PHLDB2: variants seen among roughly 807,000 people sequenced by gnomAD.
The protein encoded by PHLDB2 is pleckstrin homology like domain family B member 2.
Under a neutral mutation model 123.6 loss-of-function variants are expected in PHLDB2, and 71 were observed. That is an observed-to-expected ratio of 0.57 (90% CI 0.47 to 0.70). PHLDB2 has a LOEUF of 0.70. PHLDB2 is among the 30% of genes least tolerant of loss of function. The pLI, the probability that PHLDB2 is intolerant of heterozygous loss-of-function variation, is 0.00. For synonymous variants in PHLDB2, 547 were observed against 541.6 expected (o/e 1.01, Z -0.14); for missense variants, 1,446 against 1,519.5 (o/e 0.95, Z 0.80).
chr3:111,732,579 C>A (rs1327226815), exon 1 of PHLDB2: 1 of 1,491,390 alleles, frequency 6.7e-7, no homozygotes, highest in African/African-American at 1.4e-5. Context: ...AAAGGAGAAA[C>A]CTGTGTTAAT....
intron 1 of PHLDB2, among the ~76,000 whole-genome samples, chr3:111,877,338 T>TG (rs2065684868): frequency 6.6e-6 from 1 of 152,284 alleles, no homozygotes; most frequent in Non-Finnish European, 1.5e-5. Context: ...GAGCTTTTTT[T>TG]TCATATGTTT....
At chr3:111,905,447 C>G (rs2107468698) in intron 2 of PHLDB2, among the ~76,000 whole-genome samples, 1 of 150,194 alleles carries the variant, frequency 6.7e-6, no homozygotes, top group Middle Eastern at 3.5e-3. Context: ...GTCTCTGCCT[C>G]CCAGGCTCAA....
chr3:111,971,505 A>G (rs1371759773), intron 16 of PHLDB2, among the ~76,000 whole-genome samples: 1 of 152,236 alleles, frequency 6.6e-6, no homozygotes, highest in Admixed American at 6.5e-5. Flanking sequence ...ATTTAAAAAA[A>G]CAGACAAAAA....
intron 1 of PHLDB2, among the ~76,000 whole-genome samples, chr3:111,821,951 A>G (rs1363336530): frequency 6.6e-6 from 1 of 152,192 alleles, no homozygotes; most frequent in African/African-American, 2.4e-5. Context: ...TTTTCATTCC[A>G]GGCTGCTGGC....
intron 1 of PHLDB2, among the ~76,000 whole-genome samples, chr3:111,875,370 G>A (rs561939784): frequency 2.6e-5 from 4 of 151,704 alleles, no homozygotes; most frequent in African/African-American, 9.7e-5. Context: ...GGCTGGTCTC[G>A]AACTCCCACT....
intron 1 of PHLDB2, among the ~76,000 whole-genome samples, chr3:111,780,399 A>AGAGGAAGAGGAAG (rs2060407024): frequency 1.6e-4 from 12 of 74,362 alleles, no homozygotes; most frequent in African/African-American, 4.7e-4. Context: ...AAGAAGAAGA[A>AGAGGAAGAGGAAG]GAAGAAGAAG....
intron 6 of PHLDB2, among the ~76,000 whole-genome samples, chr3:111,933,615 A>G (rs2069271179): frequency 6.6e-6 from 1 of 152,218 alleles, no homozygotes; most frequent in Non-Finnish European, 1.5e-5. Flanking sequence ...TTTTTATTGT[A>G]TGCAGCTGAA....
chr3:111,755,015 T>C (rs1394217230), intron 1 of PHLDB2, among the ~76,000 whole-genome samples: 4 of 152,070 alleles, frequency 2.6e-5, no homozygotes, highest in Non-Finnish European at 5.9e-5. Context: ...TTGATCATGG[T>C]GGATAAGCTT....
intron 1 of PHLDB2, among the ~76,000 whole-genome samples, chr3:111,879,506 GA>G (rs889416028): frequency 3.9e-5 from 6 of 152,124 alleles, no homozygotes; most frequent in African/African-American, 1.4e-4. Flanking sequence ...GGAGGAAGAG[GA>G]GGAGCTGGTC....
chr3:111,888,037 AAGG>A (rs2066275054), intron 2 of PHLDB2, among the ~76,000 whole-genome samples: 1 of 152,132 alleles, frequency 6.6e-6, no homozygotes, highest in Non-Finnish European at 1.5e-5. Context: ...TATCAGCATG[AAGG>A]AGAGTTAAAA....
chr3:111,780,281 A>G (rs574219260), intron 1 of PHLDB2, among the ~76,000 whole-genome samples: 3 of 3,012 alleles, frequency 1.0e-3, no homozygotes, highest in African/African-American at 1.9e-3. Context: ...AAAGAAGAAG[A>G]AGAAGAAGAA....
At chr3:111,852,039 T>G (rs547070800) in intron 2 of PHLDB2, among the ~76,000 whole-genome samples, 2 of 152,242 alleles carry the variant, frequency 1.3e-5, no homozygotes, top group Admixed American at 1.3e-4. Flanking sequence ...CCTGAACTCT[T>G]CTGTATCATT....
intron 1 of PHLDB2, among the ~76,000 whole-genome samples, chr3:111,797,069 G>T (rs2061190317): frequency 6.6e-6 from 1 of 152,068 alleles, no homozygotes; most frequent in Non-Finnish European, 1.5e-5. Flanking sequence ...TTCTGGTCAT[G>T]CCTCATGTCT....
chr3:111,796,783 G>A (rs892529730), intron 1 of PHLDB2, among the ~76,000 whole-genome samples: 2 of 152,148 alleles, frequency 1.3e-5, no homozygotes, highest in Non-Finnish European at 2.9e-5. Context: ...AAAGGGCTGG[G>A]ATTACAAGCA....
intron 1 of PHLDB2, among the ~76,000 whole-genome samples, chr3:111,861,512 T>A (rs2064835662): frequency 1.3e-5 from 2 of 152,174 alleles, no homozygotes; most frequent in African/African-American, 4.8e-5. Context: ...CTGTCAGAAG[T>A]GGAAAAATGA....
chr3:111,777,639 A>AT (rs894582849), intron 1 of PHLDB2, among the ~76,000 whole-genome samples: 1 of 151,900 alleles, frequency 6.6e-6, no homozygotes, highest in South Asian at 2.1e-4. Context: ...TATGTGCCAC[A>AT]TTTTTTTTCT....
intron 1 of PHLDB2, among the ~76,000 whole-genome samples, chr3:111,835,893 C>A (rs2063373666): frequency 6.6e-6 from 1 of 152,148 alleles, no homozygotes; most frequent in Non-Finnish European, 1.5e-5. Context: ...CCTTTTAGAG[C>A]TTAGCCTTGA....
intron 1 of PHLDB2, chr3:111,845,703 T>C (rs2063951910): frequency 2.6e-6 from 3 of 1,152,312 alleles, no homozygotes; most frequent in Non-Finnish European, 3.7e-6. Flanking sequence ...TCAGCAGTAG[T>C]TAGTTTCCCC....
chr3:111,801,690 A>G (rs2061384356), intron 1 of PHLDB2, among the ~76,000 whole-genome samples: 1 of 152,200 alleles, frequency 6.6e-6, no homozygotes, highest in African/African-American at 2.4e-5. Context: ...TACATGTAAC[A>G]CCATGAATGA....
Sources: gnomAD v4.1 joint callset for allele counts (sites outside exome capture counted in the v4.1 genomes callset) on GRCh38, gnomAD v4.1.1 for gene constraint, MANE v1.5 for transcripts, NCBI Gene and HGNC (gene_info 2026-07-23, HGNC 2026-07-21) for gene names.